The following RAB11FIP1 variants were observed in gnomAD, a reference collection of about 807,000 sequenced individuals.
RAB11FIP1 encodes the protein rab11 family-interacting protein 1.
A neutral mutation model predicts 83.1 loss-of-function variants in RAB11FIP1; 49 were observed. The observed-to-expected ratio is 0.59, with a 90% CI of 0.47 to 0.75. The LOEUF (loss-of-function observed/expected upper bound fraction) is 0.75. Among genes scored for constraint, RAB11FIP1 ranks in the 30% least tolerant of loss-of-function variants. The pLI, the probability that RAB11FIP1 is intolerant of heterozygous loss-of-function variation, is 0.00. For synonymous variants in RAB11FIP1, 670 were observed against 656.0 expected (o/e 1.02, Z -0.33); for missense variants, 1,536 against 1,598.7 (o/e 0.96, Z 0.67).
rs151253127 is a variant in RAB11FIP1, at chr8:37,872,258, C to A, written c.2544G>T (p.Ala848=). The change falls in exon 4 of 6, where the codon GCG becomes GCT. Residue 848 remains alanine (A), a synonymous_variant. Coordinates refer to ENST00000330843, the MANE Select transcript of RAB11FIP1 (RefSeq NM_001002814.3). ...LNPAWSVAGN[A]SDGEPPESPH... is the part of the protein sequence containing the mutation. ...GAGACTCAGGAGGCTCTCCGTCAGA[C>A]GCGTTTCCAGCAACAGACCATGCAG... The A allele has an allele frequency of 1.2e-6, 2 of 1,613,890 alleles. No homozygotes were observed. Among genetic ancestry groups the A allele is most frequent in the Non-Finnish European group, 1.7e-6 (2 of 1,179,868 alleles).
Position 37,899,414 on chromosome 8 carries a change from C to T in RAB11FIP1, c.28G>A (p.Gly10Ser). MSLMVSAGR[G>S]LGAVWSPTHV... ...GTTGGGGACCACACGGCCCCCAGGC[C>T]CCGGCCAGCCGAGACCATTAGGGAC... The change falls in exon 1 of 6, where the codon GGC becomes AGC. Residue 10 changes from glycine (G) to serine (S), a missense_variant. By Grantham distance (56) the Gly-to-Ser change is moderately conservative (BLOSUM62 0). Coordinates refer to ENST00000330843, the MANE Select transcript of RAB11FIP1 (RefSeq NM_001002814.3). This position sits in a 1 kb window ranked among gnomAD's most constrained non-coding sequence, Gnocchi z 4.5. The T allele has an allele frequency of 6.3e-7, 1 of 1,584,832 alleles. No homozygotes were observed. The highest frequency in any genetic ancestry group is 8.6e-7 in the Non-Finnish European group (1 of 1,167,658).
At position 37,871,746 on chromosome 8, in the gene RAB11FIP1, T is replaced by A. The variant is rs540627458; in HGVS notation, c.3056A>T (p.Asp1019Val). ...ERGKGPSGEA[D>V]RLVLGEGLCD... ...CAGGCCCTCCCCCAGTACCAACCTA[T>A]CTGCCTCGCCACTGGGCCCCTTTCC... is the stretch of plus-strand genomic sequence containing the variant. The change falls in exon 4 of 6, where the codon GAT becomes GTT. Residue 1019 changes from aspartate to valine, a missense_variant. By Grantham distance (152) the Asp-to-Val change is radical. Coordinates refer to ENST00000330843, the MANE Select transcript of RAB11FIP1 (RefSeq NM_001002814.3). The A allele has an allele frequency of 1.5e-5, 25 of 1,613,724 alleles. No individual in the cohort carries two copies. The South Asian group carries it at 2.3e-4, about 15-fold the overall frequency.
chr8:37,886,352 T>G (rs1806834890), intron 1 of RAB11FIP1, among the ~76,000 whole-genome samples: 1 of 152,224 alleles, frequency 6.6e-6, no homozygotes, highest in Admixed American at 6.5e-5. Context: ...AAATAAGGTT[T>G]CAGGTCATTT....
At chr8:37,869,425 C>T (rs1806403769) in intron 5 of RAB11FIP1, among the ~76,000 whole-genome samples, 1 of 151,304 alleles carries the variant, frequency 6.6e-6, no homozygotes. Flanking sequence ...AATCCTGTCT[C>T]TACTAAAAAT....
intron 2 of RAB11FIP1, among the ~76,000 whole-genome samples, chr8:37,876,635 CAGAG>C (rs1055432427): frequency 2.0e-5 from 3 of 150,856 alleles, no homozygotes; most frequent in African/African-American, 7.3e-5. Flanking sequence ...AAAAAAGAAA[CAGAG>C]AGGGCATTTT....
At chr8:37,878,589 G>T (rs760866899) in intron 1 of RAB11FIP1, among the ~76,000 whole-genome samples, 5 of 149,510 alleles carry the variant, frequency 3.3e-5, no homozygotes, top group Non-Finnish European at 7.4e-5. Context: ...TAAGAAGGGT[G>T]GCGTGCAAAT....
chr8:37,863,234 T>TTTTCTTTC (rs57240247), intron 5 of RAB11FIP1, 121 bp from the exon 6 acceptor site: 7 of 592,392 alleles, frequency 1.2e-5, no homozygotes, highest in African/African-American at 7.6e-5. Flanking sequence ...TGGGAATCCA[T>TTTTCTTTC]TTTCTTTCTT....
At chr8:37,873,914 C>CT (rs747239947) in intron 3 of RAB11FIP1, among the ~76,000 whole-genome samples, 3 of 151,130 alleles carry the variant, frequency 2.0e-5, no homozygotes, top group Non-Finnish European at 2.9e-5. Context: ...AGCAGAATCT[C>CT]TAAAAAAAAA....
At chr8:37,893,652 T>C (rs1260843261) in intron 1 of RAB11FIP1, among the ~76,000 whole-genome samples, 3 of 151,960 alleles carry the variant, frequency 2.0e-5, no homozygotes, top group African/African-American at 4.8e-5. Context: ...TAGCTCGGTA[T>C]GGTGGCACAC....
Position 37,877,151 on chromosome 8 carries a change from C to G in RAB11FIP1, c.772G>C (p.Asp258His). The G allele has an allele frequency of 6.2e-7, 1 of 1,614,060 alleles. No homozygotes were observed. Among genetic ancestry groups the G allele is most frequent in the Non-Finnish European group, 8.5e-7 (1 of 1,179,972 alleles). The change falls in exon 2 of 6, where the codon GAT (aspartate) becomes CAT (histidine). Residue 258 changes from aspartate to histidine, a missense_variant. Transcript: ENST00000330843. ...GACTCATCCTCATTGTCATCTTCAT[C>G]CCACTGGGACTGAAAGTCTCCGGGA... ...LRPGDFQSQW[D>H]EDDNEDESSS...
Position 37,877,400 on chromosome 8 carries a change from C to A in RAB11FIP1, c.523G>T (p.Asp175Tyr). Residue 175 changes from aspartate to tyrosine, a missense_variant, in exon 2 of 6, where the codon GAC (aspartate) becomes TAC (tyrosine). By Grantham distance (160) the Asp-to-Tyr change is radical. Coordinates refer to ENST00000330843, the MANE Select transcript of RAB11FIP1 (RefSeq NM_001002814.3). ...TCCTTATTCTTCCCCTTGATCTTGTCCTTCAGCTTTCCAAATGGATTCCGA... is the reference window on the plus strand; with the variant it reads ...TCCTTATTCTTCCCCTTGATCTTGTACTTCAGCTTTCCAAATGGATTCCGA... ...KSRNPFGKLK[D>Y]KIKGKNKDSG... 1.2e-6 allele frequency: 2 copies of A among 1,614,176 alleles called. No individual in the cohort carries two copies. The highest frequency in any genetic ancestry group is 1.7e-6 in the Non-Finnish European group (2 of 1,180,042).
chr8:37,878,902 T>C lies in RAB11FIP1; in HGVS notation c.372-1351A>G, dbSNP rs545607681. Among the ~76,000 whole-genome samples the C allele has an allele frequency of 3.9e-4, 59 of 152,002 alleles. No homozygotes were observed. In the South Asian group the frequency reaches 8.7e-3, roughly 23 times the overall value. ...TACTCTCAGCTACTCAACATGAGCC[T>C]AGGAATTCGAGGCTGCAGTGAGCTA... On this transcript the variant is annotated intron_variant, in intron 1 of 5. Transcript: ENST00000330843.
intron 5 of RAB11FIP1, 162 bp downstream of exon 5, chr8:37,870,258 A>G (rs898433351): frequency 1.2e-4 from 55 of 470,132 alleles, no homozygotes; most frequent in Middle Eastern, 4.8e-4. Flanking sequence ...TAATTATCCA[A>G]TGGAATGTCT....
At chr8:37,898,789 G>A (rs1193813496) in intron 1 of RAB11FIP1, among the ~76,000 whole-genome samples, 1 of 148,860 alleles carries the variant, frequency 6.7e-6, no homozygotes, top group African/African-American at 2.5e-5. Context: ...CATTGCCATT[G>A]CACTCCAGCC....
At position 37,871,690 on chromosome 8, in the gene RAB11FIP1, A is replaced by G. The variant is rs371619545; in HGVS notation, c.3112T>C (p.Ser1038Pro). Residue 1038 changes from serine (S) to proline (P), a missense_variant, in exon 4 of 6, where the codon TCT becomes CCT. Physicochemically the swap from Ser to Pro is moderately conservative, Grantham distance 74. Transcript: ENST00000330843. The part of the protein sequence containing the change: ...CDFRLQAPQA[S>P]VTAPSEQTTE... ...GTCTGCTCTGAAGGAGCTGTCACAGATGCCTGGGGTGCTTGCAGCCTGAAA... is the reference window on the plus strand; with the variant it reads ...GTCTGCTCTGAAGGAGCTGTCACAGGTGCCTGGGGTGCTTGCAGCCTGAAA... 6.2e-6 allele frequency: 10 copies of G among 1,613,788 alleles called. No homozygotes were observed. The highest frequency in any genetic ancestry group is 5.3e-5 in the African/African-American group (4 of 74,936).
intron 1 of RAB11FIP1, among the ~76,000 whole-genome samples, chr8:37,897,856 GGT>G (rs1194051156): frequency 6.6e-6 from 1 of 152,166 alleles, no homozygotes; most frequent in Non-Finnish European, 1.5e-5. Context: ...GCAAGTATGA[GGT>G]AGGGGAAGGG....
At chr8:37,890,378 C>G (rs921059318) in intron 1 of RAB11FIP1, among the ~76,000 whole-genome samples, 2 of 152,122 alleles carry the variant, frequency 1.3e-5, no homozygotes, top group Non-Finnish European at 2.9e-5. Flanking sequence ...TTGGGGATTT[C>G]TTATAAATGC....
rs771581756 is a variant in RAB11FIP1, at chr8:37,861,521, T to A, written c.*1374A>T. 4.6e-6 allele frequency: 2 copies of A among 437,970 alleles called. No individual in the cohort carries two copies. The highest frequency in any genetic ancestry group is 4.5e-6 in the Non-Finnish European group (1 of 222,530). The allele number at this position is 437,970 out of a possible 1,614,324, so 27.1% of individuals were successfully genotyped here. ...TTGGGGTCCAATCCATGGTCTCCTG[T>A]CCCCTGTAGAGTGAAGGGGCTTCTT... On this transcript the variant is annotated 3_prime_UTR_variant, in exon 6 of 6. Coordinates refer to ENST00000330843, the MANE Select transcript of RAB11FIP1 (RefSeq NM_001002814.3).
At chr8:37,868,118 T>C (rs1408368524) in intron 5 of RAB11FIP1, among the ~76,000 whole-genome samples, 2 of 151,894 alleles carry the variant, frequency 1.3e-5, no homozygotes, top group Non-Finnish European at 2.9e-5. Context: ...CAAGACCCCA[T>C]CTCCATTAAA....
Sources: allele counts gnomAD v4.1 joint callset (sites outside exome capture counted in the v4.1 genomes callset), GRCh38; gene constraint gnomAD v4.1.1; non-coding constraint Gnocchi (gnomAD v3.1); transcripts MANE v1.5; gene names NCBI Gene and HGNC (gene_info 2026-07-23, HGNC 2026-07-21).